SPIDR: variants seen among roughly 807,000 people sequenced by gnomAD.
SPIDR encodes scaffold protein involved in DNA repair, also known as DNA repair-scaffolding protein.
Under a neutral mutation model 104.6 loss-of-function variants are expected in SPIDR, and 93 were observed. That is an observed-to-expected ratio of 0.89 (90% CI 0.75 to 1.06). The LOEUF is 1.06. Ranked by LOEUF, SPIDR falls within the 50% of genes least tolerant of loss-of-function variation. SPIDR has a pLI of 0.00. For missense variants in SPIDR, 1,154 were observed against 1,111.2 expected (o/e 1.04, Z -0.55); for synonymous variants, 431 against 416.9 (o/e 1.03, Z -0.41).
intron 7 of SPIDR, among the ~76,000 whole-genome samples, chr8:47,422,304 A>C (rs1282987544): frequency 6.6e-6 from 1 of 152,102 alleles, no homozygotes; most frequent in Non-Finnish European, 1.5e-5. Context: ...AAGCCTCAGC[A>C]ATGGCGGGCT....
At chr8:47,403,387 T>G (rs189710474) in intron 6 of SPIDR, among the ~76,000 whole-genome samples, 12 of 152,278 alleles carry the variant, frequency 7.9e-5, no homozygotes, top group Admixed American at 7.8e-4. Flanking sequence ...ATAAAGGGTG[T>G]TCAGTTAGGA....
rs2035151132 is a variant in SPIDR, at chr8:47,270,796, C to G, written c.34-9066C>G. Among the ~76,000 whole-genome samples the G allele has an allele frequency of 2.0e-5, 3 of 151,934 alleles. No homozygotes were observed. In the South Asian group the frequency reaches 6.2e-4, roughly 31 times the overall value. On this transcript the variant is annotated intron_variant, in intron 1 of 19. Transcript: ENST00000297423. ...CCTTTTAAAGTTATCTTCTAATTTT[C>G]TCATGATTTCTTTTTTTGATCTATT...
At chr8:47,731,244 C>A (rs1489768811) in intron 19 of SPIDR, among the ~76,000 whole-genome samples, 2 of 151,076 alleles carry the variant, frequency 1.3e-5, no homozygotes, top group African/African-American at 4.9e-5. Context: ...CAGAGCAAGA[C>A]TCCGTCTCAG....
intron 5 of SPIDR, among the ~76,000 whole-genome samples, chr8:47,388,176 A>AT (rs772416405): frequency 5.7e-4 from 87 of 152,176 alleles, no homozygotes; most frequent in Non-Finnish European, 9.1e-4. Flanking sequence ...TAAGGGCTCC[A>AT]TTTTTTGTCC....
chr8:47,474,707 A>G (rs1443387502), intron 8 of SPIDR, among the ~76,000 whole-genome samples: 1 of 152,274 alleles, frequency 6.6e-6, no homozygotes, highest in African/African-American at 2.4e-5. Context: ...TTATTCTGAC[A>G]TCTAGAATCC....
rs534459442 is a variant in SPIDR at position 47,598,835 on chromosome 8, T to G, written c.1294-111T>G. The G allele has an allele frequency of 5.1e-6, 7 of 1,371,522 alleles. No individual in the cohort carries two copies. The South Asian group carries it at 9.2e-5, about 18-fold the overall frequency. 85.0% of individuals were successfully genotyped at this position (1,371,522 alleles called of 1,614,324 possible). A position where few individuals can be genotyped will look rare whatever the true frequency, so the allele number is the denominator to read the frequency against. ...ATCACTTCAGTGTAGTGCAGATCCA[T>G]TGGGTGGCTGCTTAAGGATGTCATT... On this transcript the variant is annotated intron_variant, in intron 9 of 19. Transcript: ENST00000297423.
At chr8:47,709,757 T>C (rs1282334886) in intron 14 of SPIDR, among the ~76,000 whole-genome samples, 1 of 152,182 alleles carries the variant, frequency 6.6e-6, no homozygotes. Context: ...GGTATATTAA[T>C]AGATTGAAAG....
chr8:47,705,959 G>A (rs1461786284), intron 14 of SPIDR, among the ~76,000 whole-genome samples: 1 of 151,596 alleles, frequency 6.6e-6, no homozygotes, highest in African/African-American at 2.4e-5. Flanking sequence ...AAGTCATGAA[G>A]GTGAAAAAGA....
intron 8 of SPIDR, among the ~76,000 whole-genome samples, chr8:47,588,124 G>C (rs1231250536): frequency 2.5e-5 from 3 of 118,836 alleles, no homozygotes; most frequent in African/African-American, 9.6e-5. Flanking sequence ...TGCTGGAATT[G>C]ATGGGAATTT....
chr8:47,715,062 T>C (rs747001646), intron 16 of SPIDR, among the ~76,000 whole-genome samples: 30 of 152,194 alleles, frequency 2.0e-4, no homozygotes, highest in Non-Finnish European at 4.4e-4. Flanking sequence ...ATACCCGTTA[T>C]CATTCACGCC....
intron 5 of SPIDR, among the ~76,000 whole-genome samples, chr8:47,309,541 G>A (rs1366696639): frequency 6.6e-6 from 1 of 152,142 alleles, no homozygotes; most frequent in African/African-American, 2.4e-5. Flanking sequence ...AAAGATGCCA[G>A]GACAAGGAGT....
chr8:47,700,584 T>TCC (rs1333226610), intron 12 of SPIDR, 94 bp downstream of exon 12: 1 of 1,253,716 alleles, frequency 8.0e-7, no homozygotes, highest in African/African-American at 1.5e-5. Flanking sequence ...ATGGTCTGTG[T>TCC]CCCCTGCTCC....
Position 47,503,715 on chromosome 8 carries a change from T to C in SPIDR, c.1097+63173T>C, listed in dbSNP as rs576999255. ...GTTATTTTGCTCATTAGTTAATGCA[T>C]TTTCTTCCTACCATCTATAGTCTTT... On this transcript the variant is annotated intron_variant, in intron 8 of 19. Coordinates refer to ENST00000297423, the MANE Select transcript of SPIDR (RefSeq NM_001080394.4). Among the ~76,000 whole-genome samples the C allele has an allele frequency of 3.9e-5, 6 of 152,306 alleles. No individual in the cohort carries two copies. In the East Asian group the frequency reaches 1.2e-3, roughly 29 times the overall value.
At chr8:47,323,444 GT>G (rs1370043184) in intron 5 of SPIDR, among the ~76,000 whole-genome samples, 2 of 152,146 alleles carry the variant, frequency 1.3e-5, no homozygotes, top group Non-Finnish European at 2.9e-5. Flanking sequence ...TTTTTTTGAT[GT>G]TTTTGCCGTA....
intron 8 of SPIDR, among the ~76,000 whole-genome samples, chr8:47,451,452 C>T (rs1436501527): frequency 6.6e-5 from 10 of 151,860 alleles, no homozygotes; most frequent in Non-Finnish European, 1.0e-4. Context: ...TATGGTGGTG[C>T]ACTCCTGCAG....
At chr8:47,729,713 T>G in intron 19 of SPIDR, 1 of 508,224 alleles carries the variant, frequency 2.0e-6, no homozygotes, top group Non-Finnish European at 3.5e-6. Flanking sequence ...CCCCTGGCTT[T>G]TTTGTTTGTT....
intron 8 of SPIDR, among the ~76,000 whole-genome samples, chr8:47,582,293 A>T (rs972609917): frequency 2.0e-5 from 3 of 152,072 alleles, no homozygotes; most frequent in Non-Finnish European, 2.9e-5. Flanking sequence ...GTCCCTATCT[A>T]CATATTCAGT....
intron 5 of SPIDR, among the ~76,000 whole-genome samples, chr8:47,294,685 C>T (rs2040521153): frequency 1.3e-5 from 2 of 152,162 alleles, no homozygotes; most frequent in African/African-American, 4.8e-5. Flanking sequence ...GGCTAGAACG[C>T]AATGGTGCGA....
intron 5 of SPIDR, among the ~76,000 whole-genome samples, chr8:47,329,400 G>T (rs1393341654): frequency 2.0e-5 from 3 of 152,232 alleles, no homozygotes; most frequent in Non-Finnish European, 2.9e-5. Flanking sequence ...TAGAGACAGG[G>T]TTTCACCATG....
Sources: allele counts gnomAD v4.1 joint callset (sites outside exome capture counted in the v4.1 genomes callset), GRCh38; gene constraint gnomAD v4.1.1; transcripts MANE v1.5; gene names NCBI Gene and HGNC (gene_info 2026-07-23, HGNC 2026-07-21).